The following MACROD2 variants were observed in gnomAD, a reference collection of about 807,000 sequenced individuals.
MACROD2 encodes ADP-ribose glycohydrolase MACROD2.
MACROD2 carries 36 observed loss-of-function variants against 70.4 expected under a neutral mutation model. The observed-to-expected ratio is 0.51, with a 90% confidence interval of 0.39 to 0.68. The LOEUF is 0.68. Among genes scored for constraint, MACROD2 ranks in the 30% least tolerant of loss-of-function variants. The pLI is 0.00. For synonymous variants in MACROD2, 172 were observed against 178.8 expected (o/e 0.96, Z 0.30); for missense variants, 496 against 538.4 (o/e 0.92, Z 0.78).
chr20:15,573,460 T>C (rs2048402608), intron 8 of MACROD2, among the ~76,000 whole-genome samples: 1 of 152,164 alleles, frequency 6.6e-6, no homozygotes, highest in Non-Finnish European at 1.5e-5. Flanking sequence ...AAGGTTTTTC[T>C]CTAGTTTCCT....
intron 2 of MACROD2, among the ~76,000 whole-genome samples, chr20:14,018,105 A>C (rs1325052711): frequency 1.3e-5 from 2 of 152,112 alleles, no homozygotes; most frequent in African/African-American, 4.8e-5. Context: ...TCTCATAATT[A>C]TTTCTGTAGA....
At chr20:15,223,649 G>A (rs2145970516) in intron 5 of MACROD2, among the ~76,000 whole-genome samples, 1 of 152,326 alleles carries the variant, frequency 6.6e-6, no homozygotes, top group Middle Eastern at 3.4e-3. Flanking sequence ...TACTGGTAAA[G>A]TTTTAATCAT....
At chr20:15,903,640 G>T (rs937991841) in intron 10 of MACROD2, among the ~76,000 whole-genome samples, 1 of 152,200 alleles carries the variant, frequency 6.6e-6, no homozygotes, top group African/African-American at 2.4e-5. Context: ...CTACGATGGA[G>T]ATTATATCTT....
intron 5 of MACROD2, among the ~76,000 whole-genome samples, chr20:14,783,993 G>A (rs1221278977): frequency 6.6e-6 from 1 of 152,072 alleles, no homozygotes; most frequent in Non-Finnish European, 1.5e-5. Context: ...AAGCTCTTAG[G>A]CAAAATAAAT....
intron 3 of MACROD2, among the ~76,000 whole-genome samples, chr20:14,123,598 C>T (rs2054610901): frequency 6.6e-6 from 1 of 152,124 alleles, no homozygotes; most frequent in Non-Finnish European, 1.5e-5. Context: ...GCCTACCTAA[C>T]GAAGCCTTCT....
At chr20:14,969,443 C>T in intron 5 of MACROD2, among the ~76,000 whole-genome samples, 1 of 151,402 alleles carries the variant, frequency 6.6e-6, no homozygotes, top group Non-Finnish European at 1.5e-5. Flanking sequence ...TGAAACTCCT[C>T]TACCTATGAC....
intron 8 of MACROD2, among the ~76,000 whole-genome samples, chr20:15,644,349 G>A (rs2049508712): frequency 6.6e-6 from 1 of 152,124 alleles, no homozygotes; most frequent in Admixed American, 6.5e-5. Flanking sequence ...AGACTGTGGA[G>A]CCAAGGTTGA....
At chr20:14,027,177 CATCTT>C (rs1380413951) in intron 2 of MACROD2, among the ~76,000 whole-genome samples, 1 of 152,048 alleles carries the variant, frequency 6.6e-6, no homozygotes, top group Non-Finnish European at 1.5e-5. Context: ...TTTTTTCTCT[CATCTT>C]GTCATCACTC....
At chr20:14,613,529 G>A (rs912611894) in intron 4 of MACROD2, among the ~76,000 whole-genome samples, 10 of 152,040 alleles carry the variant, frequency 6.6e-5, no homozygotes, top group African/African-American at 2.4e-4. Flanking sequence ...TTATTTACTT[G>A]ACATCTATTT....
chr20:15,435,227 C>T (rs994882251), intron 7 of MACROD2, among the ~76,000 whole-genome samples: 3 of 151,972 alleles, frequency 2.0e-5, no homozygotes, highest in Non-Finnish European at 4.4e-5. Context: ...CACTATAATA[C>T]AAAAAAGCAG....
chr20:14,601,912 T>C (rs1249850592), intron 4 of MACROD2, among the ~76,000 whole-genome samples: 1 of 152,212 alleles, frequency 6.6e-6, no homozygotes, highest in Non-Finnish European at 1.5e-5. Flanking sequence ...TAATTTCCTT[T>C]TCTGGGTTAC....
intron 4 of MACROD2, among the ~76,000 whole-genome samples, chr20:14,660,287 T>C (rs1986164086): frequency 6.6e-6 from 1 of 152,196 alleles, no homozygotes; most frequent in Non-Finnish European, 1.5e-5. Flanking sequence ...AAATAATTTG[T>C]TTCAGAAGGC....
chr20:14,501,929 A>G (rs2084919377), intron 4 of MACROD2, among the ~76,000 whole-genome samples: 1 of 152,194 alleles, frequency 6.6e-6, no homozygotes, highest in African/African-American at 2.4e-5. Flanking sequence ...ATATGTCTAC[A>G]TATCTTCCTA....
intron 6 of MACROD2, among the ~76,000 whole-genome samples, chr20:15,412,431 T>G (rs2046091469): frequency 6.6e-6 from 1 of 152,208 alleles, no homozygotes; most frequent in East Asian, 1.9e-4. Flanking sequence ...TAAATACTTG[T>G]AACTAAAACA....
chr20:14,680,172 A>G (rs905290134), intron 4 of MACROD2, among the ~76,000 whole-genome samples: 11 of 152,356 alleles, frequency 7.2e-5, no homozygotes, highest in Middle Eastern at 3.4e-3. Context: ...AGAGAGTCAC[A>G]GATGAAGGAG....
chr20:15,173,460 T>G (rs1298404272), intron 5 of MACROD2, among the ~76,000 whole-genome samples: 2 of 152,208 alleles, frequency 1.3e-5, no homozygotes, highest in Admixed American at 1.3e-4. Flanking sequence ...GGCAATTTCC[T>G]TACTCACTTT....
At chr20:15,180,667 C>A (rs1464790034) in intron 5 of MACROD2, among the ~76,000 whole-genome samples, 4 of 152,162 alleles carry the variant, frequency 2.6e-5, no homozygotes, top group African/African-American at 9.6e-5. Context: ...TTTGTCCTTA[C>A]ATCTAAATAT....
chr20:15,374,172 T>C (rs1209255311), intron 6 of MACROD2, among the ~76,000 whole-genome samples: 1 of 152,034 alleles, frequency 6.6e-6, no homozygotes, highest in Non-Finnish European at 1.5e-5. Flanking sequence ...AATTTCTATA[T>C]ATATATGCAC....
chr20:14,428,232 T>C (rs1307697709), intron 3 of MACROD2, among the ~76,000 whole-genome samples: 2 of 152,132 alleles, frequency 1.3e-5, no homozygotes, highest in Non-Finnish European at 2.9e-5. Context: ...CAGACCACAC[T>C]GTCTTCAAGA....
Sources: allele counts gnomAD v4.1 joint callset (sites outside exome capture counted in the v4.1 genomes callset), GRCh38; gene constraint gnomAD v4.1.1; transcripts MANE v1.5; gene names NCBI Gene and HGNC (gene_info 2026-07-23, HGNC 2026-07-21).